The following RIMS2 variants were observed in gnomAD, a reference collection of about 807,000 sequenced individuals.
The protein encoded by RIMS2 is regulating synaptic membrane exocytosis protein 2.
A neutral mutation model predicts 174.4 loss-of-function variants in RIMS2; 59 were observed. The observed-to-expected ratio is 0.34, with a 90% confidence interval of 0.27 to 0.42. RIMS2 has a LOEUF of 0.42. RIMS2 is among the 10% of genes least tolerant of loss of function. RIMS2 has a pLI of 1.00. For synonymous variants in RIMS2, 606 were observed against 572.5 expected, an observed-to-expected ratio of 1.06 and a Z score of -0.84; for missense variants, 1,620 against 1,666.3, an observed-to-expected ratio of 0.97 and a Z score of 0.48.
intron 19 of RIMS2, among the ~76,000 whole-genome samples, chr8:104,224,778 T>C (rs955831941): frequency 7.2e-5 from 11 of 152,152 alleles, no homozygotes; most frequent in Non-Finnish European, 1.6e-4. Flanking sequence ...TTTTTTCTGC[T>C]TTTTTTCCTG....
At chr8:103,650,917 G>A (rs897559259) in intron 1 of RIMS2, among the ~76,000 whole-genome samples, 2 of 152,180 alleles carry the variant, frequency 1.3e-5, no homozygotes, top group Non-Finnish European at 2.9e-5. Flanking sequence ...ATGTAAGTGG[G>A]GCCCACAGAA....
intron 19 of RIMS2, among the ~76,000 whole-genome samples, chr8:104,054,823 C>A (rs1413995395): frequency 6.6e-6 from 1 of 152,046 alleles, no homozygotes; most frequent in African/African-American, 2.4e-5. Flanking sequence ...CCTGTTTAAT[C>A]ATCTTATCTG....
chr8:103,779,808 C>T (rs905604202), intron 3 of RIMS2, among the ~76,000 whole-genome samples: 4 of 149,708 alleles, frequency 2.7e-5, no homozygotes, highest in Non-Finnish European at 4.4e-5. Context: ...ATGTAAATGA[C>T]GAGTTAATGG....
chr8:103,751,868 T>C (rs897268032), intron 2 of RIMS2, among the ~76,000 whole-genome samples: 1 of 151,996 alleles, frequency 6.6e-6, no homozygotes, highest in African/African-American at 2.4e-5. Flanking sequence ...GATGAGTAGG[T>C]TGAGAAAATT....
chr8:103,841,329 G>A (rs933513160), intron 3 of RIMS2, among the ~76,000 whole-genome samples: 2 of 152,104 alleles, frequency 1.3e-5, no homozygotes, highest in Non-Finnish European at 1.5e-5. Flanking sequence ...TACTAGCTCA[G>A]AAGAATGTTT....
chr8:103,764,058 C>T (rs1185221415), intron 2 of RIMS2, among the ~76,000 whole-genome samples: 1 of 152,146 alleles, frequency 6.6e-6, no homozygotes, highest in South Asian at 2.1e-4. Context: ...TGGGGTGGGA[C>T]CTGGGAATCG....
intron 4 of RIMS2, among the ~76,000 whole-genome samples, chr8:103,891,977 A>T (rs1237511873): frequency 6.6e-6 from 1 of 151,976 alleles, no homozygotes; most frequent in East Asian, 1.9e-4. Flanking sequence ...AAATTTACTG[A>T]CTTACATAAT....
intron 19 of RIMS2, among the ~76,000 whole-genome samples, chr8:104,199,682 A>G (rs995724109): frequency 1.3e-5 from 2 of 152,206 alleles, no homozygotes; most frequent in African/African-American, 2.4e-5. Flanking sequence ...ACTGAACTCA[A>G]TCTTGAAGGA....
At chr8:103,821,779 T>A (rs1038200676) in intron 3 of RIMS2, among the ~76,000 whole-genome samples, 21 of 151,694 alleles carry the variant, frequency 1.4e-4, no homozygotes, top group African/African-American at 5.1e-4. Context: ...AAGTGGAAAG[T>A]AAAGACTTTC....
chr8:103,562,762 A>G (rs7827863), intron 1 of RIMS2, among the ~76,000 whole-genome samples: 7 of 152,142 alleles, frequency 4.6e-5, no homozygotes, highest in African/African-American at 9.7e-5. Flanking sequence ...GAGGTTTTCT[A>G]TGAGGGCCCC....
intron 19 of RIMS2, among the ~76,000 whole-genome samples, chr8:104,151,909 C>T (rs2098692283): frequency 6.6e-6 from 1 of 151,982 alleles, no homozygotes; most frequent in African/African-American, 2.4e-5. Context: ...AAGGAACAAT[C>T]ACAAAGAAAA....
intron 17 of RIMS2, among the ~76,000 whole-genome samples, chr8:103,999,888 T>C (rs1246153083): frequency 6.6e-6 from 1 of 151,806 alleles, no homozygotes; most frequent in Non-Finnish European, 1.5e-5. Context: ...ATGAATTGTC[T>C]TTCTGTGCCA....
intron 1 of RIMS2, among the ~76,000 whole-genome samples, chr8:103,681,155 T>C (rs1037827192): frequency 6.6e-6 from 1 of 152,008 alleles, no homozygotes; most frequent in Admixed American, 6.6e-5. Context: ...GCACGAACTC[T>C]TGGAACAACA....
intron 19 of RIMS2, among the ~76,000 whole-genome samples, chr8:104,167,957 T>C (rs1823169): frequency 0.073 from 11,058 of 152,188 alleles, 531 homozygotes; most frequent in East Asian, 0.15. Context: ...GTTTGTTTTG[T>C]TGAAGATTAG....
At chr8:103,720,797 G>T (rs985328490) in intron 2 of RIMS2, among the ~76,000 whole-genome samples, 1 of 152,144 alleles carries the variant, frequency 6.6e-6, no homozygotes, top group Non-Finnish European at 1.5e-5. Flanking sequence ...AGTTTAAAAG[G>T]CAGAGAGAGG....
chr8:103,878,746 TA>T (rs2099153834), intron 3 of RIMS2, among the ~76,000 whole-genome samples: 1 of 151,552 alleles, frequency 6.6e-6, no homozygotes, highest in Non-Finnish European at 1.5e-5. Context: ...TCAATCTCAC[TA>T]CTCATTATTG....
At chr8:104,205,165 A>C (rs1425486487) in intron 19 of RIMS2, among the ~76,000 whole-genome samples, 1 of 152,142 alleles carries the variant, frequency 6.6e-6, no homozygotes, top group Admixed American at 6.5e-5. Context: ...GAATGTGAAA[A>C]CTATACCTTT....
chr8:104,149,609 T>A (rs2098672801), intron 19 of RIMS2, among the ~76,000 whole-genome samples: 1 of 152,184 alleles, frequency 6.6e-6, no homozygotes, highest in Non-Finnish European at 1.5e-5. Flanking sequence ...ATCTTGGAAA[T>A]AATAGCATAT....
intron 17 of RIMS2, among the ~76,000 whole-genome samples, chr8:104,004,465 A>T (rs2095500983): frequency 6.6e-6 from 1 of 152,158 alleles, no homozygotes; most frequent in South Asian, 2.1e-4. Flanking sequence ...ATGTCAAGTG[A>T]GGTGTCATGG....
Sources: allele counts gnomAD v4.1 joint callset (sites outside exome capture counted in the v4.1 genomes callset), GRCh38; gene constraint gnomAD v4.1.1; transcripts MANE v1.5; gene names NCBI Gene and HGNC (gene_info 2026-07-23, HGNC 2026-07-21).